TBC1D32: variants seen among roughly 807,000 people sequenced by gnomAD.
TBC1D32 encodes the protein TBC1 domain family member 32.
In TBC1D32, 151 loss-of-function variants were observed where a neutral mutation model predicts 170.3. The observed-to-expected ratio is 0.89, with a 90% CI of 0.78 to 1.01. The LOEUF is 1.01. Among genes scored for constraint, TBC1D32 ranks in the 50% least tolerant of loss-of-function variants. The pLI, the probability that TBC1D32 is intolerant of heterozygous loss-of-function variation, is 0.00. For synonymous variants in TBC1D32, 498 were observed against 488.0 expected (o/e 1.02, Z -0.27); for missense variants, 1,464 against 1,457.1 (o/e 1.00, Z -0.08).
At chr6:121,137,864 A>T (rs192446061) in intron 24 of TBC1D32, among the ~76,000 whole-genome samples, 43 of 152,174 alleles carry the variant, frequency 2.8e-4, no homozygotes, top group African/African-American at 9.1e-4. Context: ...ACTTTCTAGG[A>T]TGTCAGTCAG....
intron 5 of TBC1D32, among the ~76,000 whole-genome samples, chr6:121,306,436 G>A (rs1403901324): frequency 6.6e-6 from 1 of 152,082 alleles, no homozygotes; most frequent in East Asian, 1.9e-4. Flanking sequence ...TCCTGTCCAT[G>A]GTGTGTTCCC....
At chr6:121,194,169 C>T (rs775126232) in intron 22 of TBC1D32, among the ~76,000 whole-genome samples, 1 of 152,108 alleles carries the variant, frequency 6.6e-6, no homozygotes, top group African/African-American at 2.4e-5. Flanking sequence ...TTTTAGCTCA[C>T]GTTGACTTAC....
intron 21 of TBC1D32, among the ~76,000 whole-genome samples, chr6:121,208,092 C>T (rs1269702141): frequency 6.6e-6 from 1 of 151,168 alleles, no homozygotes; most frequent in East Asian, 1.9e-4. Context: ...TAAATGGTGA[C>T]CCCTCACACA....
At chr6:121,149,231 T>G (rs1478818798) in intron 24 of TBC1D32, among the ~76,000 whole-genome samples, 1 of 152,188 alleles carries the variant, frequency 6.6e-6, no homozygotes, top group Non-Finnish European at 1.5e-5. Flanking sequence ...GATGATAGTT[T>G]CTTTTGCTGT....
At chr6:121,105,901 C>T (rs1404892166) in intron 30 of TBC1D32, 122 bp downstream of exon 30, 1 of 1,137,170 alleles carries the variant, frequency 8.8e-7, no homozygotes, top group African/African-American at 1.6e-5. Context: ...GAAAAGCTAG[C>T]TTGAGGATTT....
At chr6:121,109,348 G>T (rs1015575285) in intron 29 of TBC1D32, among the ~76,000 whole-genome samples, 2 of 152,084 alleles carry the variant, frequency 1.3e-5, no homozygotes, top group African/African-American at 4.8e-5. Context: ...CTTCATTTGA[G>T]CATTACTTTA....
At chr6:121,085,181 TTG>T (rs1020415267) in intron 31 of TBC1D32, among the ~76,000 whole-genome samples, 52 of 149,786 alleles carry the variant, frequency 3.5e-4, no homozygotes, top group Non-Finnish European at 6.5e-4. Context: ...GATAATCTTT[TTG>T]TGTGTTGTGT....
chr6:121,237,839 C>G (rs73768942), intron 20 of TBC1D32, among the ~76,000 whole-genome samples: 2,722 of 152,008 alleles, frequency 0.018, 84 homozygotes, highest in African/African-American at 0.062. Flanking sequence ...GTATTAGTTG[C>G]CTTCTTCTCA....
At chr6:121,196,661 G>A (rs933432968) in intron 22 of TBC1D32, among the ~76,000 whole-genome samples, 3 of 152,180 alleles carry the variant, frequency 2.0e-5, no homozygotes, top group African/African-American at 7.2e-5. Context: ...AAATTCACTG[G>A]TCTTACAATG....
intron 15 of TBC1D32, among the ~76,000 whole-genome samples, chr6:121,270,727 T>C (rs1029473688): frequency 2.6e-5 from 4 of 152,036 alleles, no homozygotes; most frequent in African/African-American, 7.2e-5. Flanking sequence ...TTCCAATCAA[T>C]AGAAAAAGAG....
intron 12 of TBC1D32, among the ~76,000 whole-genome samples, chr6:121,286,446 TA>T (rs1182761799): frequency 6.6e-6 from 1 of 151,780 alleles, no homozygotes; most frequent in Non-Finnish European, 1.5e-5. Flanking sequence ...GAAAAAAGAA[TA>T]AAAAGAAATG....
At chr6:121,229,443 A>G (rs1347956860) in intron 20 of TBC1D32, among the ~76,000 whole-genome samples, 1 of 152,238 alleles carries the variant, frequency 6.6e-6, no homozygotes, top group East Asian at 1.9e-4. Flanking sequence ...GGAAGTGCAC[A>G]GTCAGGGAGC....
intron 20 of TBC1D32, among the ~76,000 whole-genome samples, chr6:121,234,834 T>C (rs2128346864): frequency 6.6e-6 from 1 of 152,292 alleles, no homozygotes; most frequent in South Asian, 2.1e-4. Context: ...CCTTCTCATT[T>C]GAGTAGACTA....
intron 15 of TBC1D32, among the ~76,000 whole-genome samples, chr6:121,277,354 G>A (rs1430910282): frequency 6.6e-6 from 1 of 151,846 alleles, no homozygotes; most frequent in Non-Finnish European, 1.5e-5. Flanking sequence ...CAGGCATGGT[G>A]GCATGCACCT....
chr6:121,263,124 T>A (rs1476810371), intron 15 of TBC1D32, among the ~76,000 whole-genome samples: 1 of 151,970 alleles, frequency 6.6e-6, no homozygotes, highest in Admixed American at 6.6e-5. Flanking sequence ...AATTAAAAGA[T>A]ACAGACTGGA....
At chr6:121,281,522 C>A (rs1159202736) in intron 14 of TBC1D32, 22 bp downstream of exon 14, 3 of 1,588,398 alleles carry the variant, frequency 1.9e-6, no homozygotes, top group Non-Finnish European at 1.7e-6. Context: ...GACTCTTTTT[C>A]TCCTTAGTAA....
intron 29 of TBC1D32, 91 bp from the exon 30 acceptor site, chr6:121,106,254 T>C: frequency 1.2e-6 from 1 of 817,092 alleles, no homozygotes. Flanking sequence ...CTATTTTCCT[T>C]TTGCTGTAAA....
intron 21 of TBC1D32, among the ~76,000 whole-genome samples, chr6:121,220,774 G>C (rs1432727871): frequency 6.6e-6 from 1 of 151,048 alleles, no homozygotes; most frequent in African/African-American, 2.4e-5. Context: ...CCATGTAGCT[G>C]GGATTACAGA....
intron 20 of TBC1D32, among the ~76,000 whole-genome samples, 157 bp from the exon 21 acceptor site, chr6:121,223,509 A>C (rs1268105882): frequency 6.6e-6 from 1 of 152,180 alleles, no homozygotes; most frequent in African/African-American, 2.4e-5. Context: ...TATAAGTACA[A>C]AACAGTTAAC....
Sources: gnomAD v4.1 joint callset for allele counts (sites outside exome capture counted in the v4.1 genomes callset) on GRCh38, gnomAD v4.1.1 for gene constraint, MANE v1.5 for transcripts, NCBI Gene and HGNC (gene_info 2026-07-23, HGNC 2026-07-21) for gene names.